The following PDZRN3 variants were observed in gnomAD, a reference collection of about 807,000 sequenced individuals.
The protein encoded by PDZRN3 is E3 ubiquitin-protein ligase PDZRN3.
In PDZRN3, 38 loss-of-function variants were observed where a neutral mutation model predicts 85.7. The ratio of observed to expected loss-of-function variants is 0.44; its 90% CI spans 0.34 to 0.58. PDZRN3 has a LOEUF of 0.58. Ranked by LOEUF, PDZRN3 falls within the 20% of genes least tolerant of loss-of-function variation. PDZRN3 has a pLI of 0.01. For synonymous variants in PDZRN3, 759 were observed against 638.0 expected (o/e 1.19, Z -2.86); for missense variants, 1,629 against 1,506.4 (o/e 1.08, Z -1.35).
intron 3 of PDZRN3, among the ~76,000 whole-genome samples, chr3:73,550,231 T>C (rs1033253145): frequency 2.0e-5 from 3 of 152,150 alleles, no homozygotes; most frequent in African/African-American, 7.2e-5. Context: ...AAATGCAAAG[T>C]CTCGCCGCCA....
chr3:73,531,930 T>G (rs897922571), intron 3 of PDZRN3, among the ~76,000 whole-genome samples: 1 of 151,924 alleles, frequency 6.6e-6, no homozygotes, highest in African/African-American at 2.4e-5. Context: ...GAGAGGAGAG[T>G]GTTGTATAAA....
At position 73,624,069 on chromosome 3, in the gene PDZRN3, T is replaced by C. The variant is rs913193865; in HGVS notation, c.723+34A>G. The C allele has an allele frequency of 4.3e-6, 6 of 1,408,926 alleles. No individual in the cohort carries two copies. The African/African-American group carries it at 6.1e-5, about 14-fold the overall frequency. The allele number at this position is 1,408,926 out of a possible 1,614,324, so 87.3% of individuals were successfully genotyped here. A position where few individuals can be genotyped will look rare whatever the true frequency, so the allele number is the denominator to read the frequency against. On this transcript the variant is annotated intron_variant, in intron 1 of 9. Coordinates refer to ENST00000263666, the MANE Select transcript of PDZRN3 (RefSeq NM_015009.3). ...CGGGGCCCTGGGTCCCCAGGGATCC[T>C]GGCTGGAGGTCGGGGCGGGCAGCAG...
At chr3:73,544,503 T>A (rs1701372872) in intron 3 of PDZRN3, among the ~76,000 whole-genome samples, 1 of 152,194 alleles carries the variant, frequency 6.6e-6, no homozygotes, top group South Asian at 2.1e-4. Context: ...ATAGTAGGTG[T>A]ATACACTGTG....
At chr3:73,541,559 C>T (rs1453749854) in intron 3 of PDZRN3, among the ~76,000 whole-genome samples, 1 of 152,226 alleles carries the variant, frequency 6.6e-6, no homozygotes, top group African/African-American at 2.4e-5. Flanking sequence ...AGGCTGCAAG[C>T]TCTGAATCAT....
At chr3:73,428,864 T>C (rs1194278825) in intron 3 of PDZRN3, among the ~76,000 whole-genome samples, 1 of 151,878 alleles carries the variant, frequency 6.6e-6, no homozygotes, top group Admixed American at 6.6e-5. Flanking sequence ...AAGGGCCCTG[T>C]TTGTCAAGGT....
At chr3:73,427,999 G>A (rs1382897342) in intron 3 of PDZRN3, among the ~76,000 whole-genome samples, 2 of 152,110 alleles carry the variant, frequency 1.3e-5, no homozygotes, top group Non-Finnish European at 2.9e-5. Context: ...AAGATGAATT[G>A]GTGAACTAAC....
At chr3:73,409,968 G>T (rs939006335) in intron 3 of PDZRN3, among the ~76,000 whole-genome samples, 1 of 152,126 alleles carries the variant, frequency 6.6e-6, no homozygotes, top group Non-Finnish European at 1.5e-5. Context: ...AAGTACGAAT[G>T]CAATTTTAAA....
At chr3:73,468,670 AC>A (rs1703272288) in intron 3 of PDZRN3, among the ~76,000 whole-genome samples, 1 of 152,142 alleles carries the variant, frequency 6.6e-6, no homozygotes, top group African/African-American at 2.4e-5. Context: ...GCTTTAAATA[AC>A]CCCAACTGAG....
At chr3:73,590,865 TAATCGA>T (rs1362847215) in intron 3 of PDZRN3, among the ~76,000 whole-genome samples, 3 of 152,174 alleles carry the variant, frequency 2.0e-5, no homozygotes, top group Admixed American at 2.0e-4. Flanking sequence ...CAATCATACT[TAATCGA>T]TTCTATTTTA....
chr3:73,611,233 C>T (rs928606302), intron 1 of PDZRN3, among the ~76,000 whole-genome samples: 5 of 152,178 alleles, frequency 3.3e-5, no homozygotes, highest in African/African-American at 1.2e-4. Context: ...ACCCAGGAGG[C>T]CAGTATCAGA....
chr3:73,384,759 G>T lies in PDZRN3; in HGVS notation c.1807C>A (p.Gln603Lys). 1.9e-6 allele frequency: 3 copies of T among 1,613,924 alleles called. No homozygotes were observed. Among genetic ancestry groups the T allele is most frequent in the Non-Finnish European group, 8.5e-7 (1 of 1,180,044 alleles). The change falls in exon 10 of 10, where the codon CAG (glutamine) becomes AAG (lysine). Residue 603 changes from glutamine to lysine, a missense_variant. Coordinates refer to ENST00000263666, the MANE Select transcript of PDZRN3 (RefSeq NM_015009.3). Reference sequence around the variant, plus strand: ...TCCTGGCTGCAGGTGAGCTTCCTCTGCCCCGCCAGCGGGTTGGAGGATGCG... The same window carrying T: ...TCCTGGCTGCAGGTGAGCTTCCTCTTCCCCGCCAGCGGGTTGGAGGATGCG... ...ATASSNPLAGQRKLTCSQDTL... is the reference protein window; with the variant it reads ...ATASSNPLAGKRKLTCSQDTL...
At chr3:73,442,017 C>A (rs1480357861) in intron 3 of PDZRN3, among the ~76,000 whole-genome samples, 1 of 152,138 alleles carries the variant, frequency 6.6e-6, no homozygotes, top group Non-Finnish European at 1.5e-5. Flanking sequence ...AATCTCTTTG[C>A]CCATGTGAAT....
chr3:73,476,323 G>C (rs1204993500), intron 3 of PDZRN3, among the ~76,000 whole-genome samples: 1 of 152,180 alleles, frequency 6.6e-6, no homozygotes, highest in Non-Finnish European at 1.5e-5. Context: ...GCAGGGAAGA[G>C]AGATAGACAG....
chr3:73,494,000 T>C (rs1366959557), intron 3 of PDZRN3, among the ~76,000 whole-genome samples: 1 of 152,214 alleles, frequency 6.6e-6, no homozygotes, highest in Non-Finnish European at 1.5e-5. Flanking sequence ...ATGACCAGAT[T>C]TGAATATTTG....
chr3:73,454,039 T>C (rs921745900), intron 3 of PDZRN3, among the ~76,000 whole-genome samples: 1 of 152,140 alleles, frequency 6.6e-6, no homozygotes, highest in Non-Finnish European at 1.5e-5. Context: ...GCCAGGCCTG[T>C]GAAAAGTACA....
At chr3:73,553,714 G>A (rs1332091004) in intron 3 of PDZRN3, among the ~76,000 whole-genome samples, 1 of 152,216 alleles carries the variant, frequency 6.6e-6, no homozygotes, top group East Asian at 1.9e-4. Flanking sequence ...ATTCCGTGGT[G>A]TGACTTCAGA....
chr3:73,501,648 C>T (rs9847408), intron 3 of PDZRN3, among the ~76,000 whole-genome samples: 39,666 of 152,140 alleles, frequency 0.26, 6,325 homozygotes, highest in Non-Finnish European at 0.37. Context: ...AGGAAAACCT[C>T]GTTAAACTTG....
intron 3 of PDZRN3, among the ~76,000 whole-genome samples, chr3:73,452,655 A>G (rs1702886594): frequency 6.6e-6 from 1 of 152,150 alleles, no homozygotes; most frequent in Non-Finnish European, 1.5e-5. Context: ...GGATTTTTAA[A>G]GCATATGCAT....
chr3:73,415,171 G>A (rs1364771726), intron 3 of PDZRN3, among the ~76,000 whole-genome samples: 2 of 152,182 alleles, frequency 1.3e-5, no homozygotes, highest in Non-Finnish European at 2.9e-5. Flanking sequence ...TCCCACTACT[G>A]AGAGAAGGAA....
Sources: gnomAD v4.1 joint callset for allele counts (sites outside exome capture counted in the v4.1 genomes callset) on GRCh38, gnomAD v4.1.1 for gene constraint, MANE v1.5 for transcripts, NCBI Gene and HGNC (gene_info 2026-07-23, HGNC 2026-07-21) for gene names.